MED27: variants seen among roughly 807,000 people sequenced by gnomAD.
MED27 encodes the protein mediator complex subunit 27.
Under a neutral mutation model 38.2 loss-of-function variants are expected in MED27, and 30 were observed. The observed-to-expected ratio is 0.79, with a 90% CI of 0.59 to 1.07. MED27 has a LOEUF of 1.07. Among genes scored for constraint, MED27 ranks in the 50% least tolerant of loss-of-function variants. MED27 has a pLI of 0.00. For synonymous variants in MED27, 122 were observed against 153.5 expected (o/e 0.79, Z 1.52); for missense variants, 289 against 397.5 (o/e 0.73, Z 2.32).
intron 4 of MED27, among the ~76,000 whole-genome samples, chr9:131,900,840 A>T (rs537061353): frequency 9.9e-5 from 15 of 152,220 alleles, no homozygotes; most frequent in African/African-American, 2.9e-4. Context: ...TATACAAAAT[A>T]AAAGTCTGAT....
At chr9:132,033,661 A>G (rs2131106774) in intron 2 of MED27, among the ~76,000 whole-genome samples, 1 of 152,360 alleles carries the variant, frequency 6.6e-6, no homozygotes, top group Middle Eastern at 3.4e-3. Flanking sequence ...TGGATGAGTT[A>G]ATAACGGAAT....
intron 4 of MED27, among the ~76,000 whole-genome samples, chr9:131,907,343 GAGTGCCTGCGACTGC>G (rs1340211379): frequency 1.3e-5 from 2 of 152,028 alleles, no homozygotes; most frequent in African/African-American, 4.8e-5. Context: ...CTCAGCCTGC[GAGTGCCTGCGACTGC>G]AGGCACGCGC....
intron 2 of MED27, among the ~76,000 whole-genome samples, chr9:132,054,278 T>C (rs1353414848): frequency 1.3e-5 from 2 of 152,154 alleles, no homozygotes; most frequent in African/African-American, 4.8e-5. Flanking sequence ...CTCTCAGTGC[T>C]CCTGCTCTGA....
At chr9:131,975,038 A>T (rs1472309913) in intron 3 of MED27, among the ~76,000 whole-genome samples, 1 of 152,220 alleles carries the variant, frequency 6.6e-6, no homozygotes, top group Admixed American at 6.5e-5. Flanking sequence ...ATCTGTTTTC[A>T]TGCTGACCTT....
intron 3 of MED27, among the ~76,000 whole-genome samples, chr9:131,977,265 G>A (rs940183884): frequency 2.0e-5 from 3 of 152,164 alleles, no homozygotes; most frequent in East Asian, 3.8e-4. Flanking sequence ...AGGAAGTGGC[G>A]GCTCTGGAAC....
chr9:131,943,712 T>C (rs1009107190), intron 3 of MED27, among the ~76,000 whole-genome samples: 5 of 152,218 alleles, frequency 3.3e-5, no homozygotes, highest in Non-Finnish European at 7.3e-5. Context: ...AGTCACAATT[T>C]GCACATATCT....
chr9:131,922,216 G>T (rs964675047), intron 4 of MED27, among the ~76,000 whole-genome samples: 1 of 151,418 alleles, frequency 6.6e-6, no homozygotes, highest in African/African-American at 2.4e-5. Context: ...AATAAAAAAA[G>T]AAAGAGCTTT....
chr9:132,039,444 T>G (rs1460521282), intron 2 of MED27, among the ~76,000 whole-genome samples: 1 of 152,218 alleles, frequency 6.6e-6, no homozygotes, highest in Non-Finnish European at 1.5e-5. Context: ...CCTAGCATGG[T>G]GCCCCGCACA....
At chr9:131,946,164 A>G (rs1830883619) in intron 3 of MED27, among the ~76,000 whole-genome samples, 1 of 152,268 alleles carries the variant, frequency 6.6e-6, no homozygotes, top group East Asian at 1.9e-4. Flanking sequence ...TAGACAGTTA[A>G]GTTGATTCCA....
At chr9:132,068,712 G>A (rs1833864561) in intron 2 of MED27, among the ~76,000 whole-genome samples, 1 of 152,150 alleles carries the variant, frequency 6.6e-6, no homozygotes, top group Admixed American at 6.5e-5. Context: ...TGGTGGGGGT[G>A]AGGATTTCAG....
chr9:131,955,659 A>T (rs1488465766), intron 3 of MED27, among the ~76,000 whole-genome samples: 1 of 152,208 alleles, frequency 6.6e-6, no homozygotes, highest in Admixed American at 6.5e-5. Flanking sequence ...TCTTTGAAAG[A>T]TGTAAGTTAT....
At chr9:131,881,800 C>CTTCTTTTTT (rs1159629751) in intron 6 of MED27, among the ~76,000 whole-genome samples, 3 of 60,958 alleles carry the variant, frequency 4.9e-5, no homozygotes, top group African/African-American at 1.8e-4. Flanking sequence ...TCTTCTTCTT[C>CTTCTTTTTT]TTTTTTTTTT....
At chr9:131,884,605 CTTT>C (rs11331082) in intron 5 of MED27, among the ~76,000 whole-genome samples, 7 of 122,676 alleles carry the variant, frequency 5.7e-5, no homozygotes, top group Admixed American at 2.5e-4. Flanking sequence ...ATTCTCTTTA[CTTT>C]TTTTTTTTTT....
chr9:132,061,894 T>G (rs1833704843), intron 2 of MED27, among the ~76,000 whole-genome samples: 1 of 152,244 alleles, frequency 6.6e-6, no homozygotes, highest in South Asian at 2.1e-4. Flanking sequence ...TACCTTCTGT[T>G]TGTATCCCCA....
At position 132,003,606 on chromosome 9, in the gene MED27, C is replaced by A. The variant is rs569675953; in HGVS notation, c.479+10731G>T. ...CAACTCCTCTGCCTGCTCTTCTGGT[C>A]TCCCTCCACAATTGCTGGCACAACA... On this transcript the variant is annotated intron_variant, in intron 3 of 7. Coordinates refer to ENST00000292035, the MANE Select transcript of MED27 (RefSeq NM_004269.4). This position sits in a 1 kb window ranked among gnomAD's most constrained non-coding sequence, Gnocchi z 4.2. Among the ~76,000 whole-genome samples the A allele has an allele frequency of 6.6e-6, 1 of 152,276 alleles. No individual in the cohort carries two copies. Among genetic ancestry groups the A allele is most frequent in the African/African-American group, 2.4e-5 (1 of 41,560 alleles).
At chr9:132,068,932 C>A (rs1375635620) in intron 2 of MED27, among the ~76,000 whole-genome samples, 1 of 152,114 alleles carries the variant, frequency 6.6e-6, no homozygotes, top group Non-Finnish European at 1.5e-5. Context: ...CGGCCTTCTC[C>A]CAAACCAAAC....
chr9:131,908,969 T>G (rs1030279470), intron 4 of MED27, among the ~76,000 whole-genome samples: 3 of 152,038 alleles, frequency 2.0e-5, no homozygotes, highest in Non-Finnish European at 4.4e-5. Flanking sequence ...CAGCCCCTAT[T>G]CAAGATGGAG....
chr9:131,959,626 C>T (rs1305991868), intron 3 of MED27, among the ~76,000 whole-genome samples: 2 of 152,182 alleles, frequency 1.3e-5, no homozygotes, highest in Admixed American at 6.5e-5. Flanking sequence ...GTTCGATACA[C>T]ATTTCCTAAA....
At chr9:132,027,484 A>C (rs1171939899) in intron 2 of MED27, among the ~76,000 whole-genome samples, 1 of 152,106 alleles carries the variant, frequency 6.6e-6, no homozygotes, top group Non-Finnish European at 1.5e-5. Flanking sequence ...GAGCAGGCAC[A>C]CTCGTGTGCA....
Sources: allele counts gnomAD v4.1 joint callset (sites outside exome capture counted in the v4.1 genomes callset), GRCh38; gene constraint gnomAD v4.1.1; non-coding constraint Gnocchi (gnomAD v3.1); transcripts MANE v1.5; gene names NCBI Gene and HGNC (gene_info 2026-07-23, HGNC 2026-07-21).